CALHM4: variants seen among roughly 807,000 people sequenced by gnomAD.
The protein encoded by CALHM4 is calcium homeostasis modulator protein 4.
In CALHM4, 16 loss-of-function variants were observed where a neutral mutation model predicts 13.3. The observed-to-expected ratio is 1.20, with a 90% CI of 0.81 to 1.82. The LOEUF is 1.82. Among genes scored for constraint, CALHM4 ranks in the 40% most tolerant of loss-of-function variants. The pLI is 0.00. For synonymous variants in CALHM4, 127 were observed against 137.1 expected (o/e 0.93, Z 0.52); for missense variants, 344 against 374.9 (o/e 0.92, Z 0.68).
Position 116,561,021 on chromosome 6 carries a change from T to C in CALHM4, c.*2810T>C, listed in dbSNP as rs560176666. ...CAAAGCTGAATTGTAGAACCGCATTTATACTCTGTCCTTCTCTGTGTCTCT... is the reference window on the plus strand; with the variant it reads ...CAAAGCTGAATTGTAGAACCGCATTCATACTCTGTCCTTCTCTGTGTCTCT... On this transcript the variant is annotated 3_prime_UTR_variant, in exon 2 of 2. Coordinates refer to ENST00000368596, the MANE Select transcript of CALHM4 (RefSeq NM_001366078.2). Among the ~76,000 whole-genome samples the C allele has an allele frequency of 5.3e-5, 8 of 152,378 alleles. No individual in the cohort carries two copies. The South Asian group carries it at 1.7e-3, about 32-fold the overall frequency.
intron 1 of CALHM4, among the ~76,000 whole-genome samples, chr6:116,536,353 T>TA (rs2115215300): frequency 6.6e-6 from 1 of 152,302 alleles, no homozygotes; most frequent in African/African-American, 2.4e-5. Flanking sequence ...TACTACTTGT[T>TA]AAAAGACATT....
chr6:116,555,456 T>C (rs2115293819), intron 1 of CALHM4, among the ~76,000 whole-genome samples: 1 of 152,356 alleles, frequency 6.6e-6, no homozygotes, highest in Middle Eastern at 3.4e-3. Flanking sequence ...TTTACAGTTC[T>C]GAGTACCATT....
At chr6:116,555,431 C>G (rs972982905) in intron 1 of CALHM4, among the ~76,000 whole-genome samples, 2 of 152,170 alleles carry the variant, frequency 1.3e-5, no homozygotes, top group African/African-American at 4.8e-5. Context: ...ACACAGATTT[C>G]TGTGAAAAGA....
intron 1 of CALHM4, chr6:116,540,587 C>A: frequency 1.1e-6 from 1 of 918,494 alleles, no homozygotes; most frequent in South Asian, 1.6e-5. Context: ...CCAAATATGA[C>A]GAGTCAAATG....
chr6:116,555,314 A>C (rs1234696479), intron 1 of CALHM4, among the ~76,000 whole-genome samples: 1 of 152,234 alleles, frequency 6.6e-6, no homozygotes. Context: ...AAAAATCAAT[A>C]GAAAAATTAT....
chr6:116,534,626 G>C (rs1259930156), intron 1 of CALHM4, among the ~76,000 whole-genome samples: 1 of 152,120 alleles, frequency 6.6e-6, no homozygotes, highest in African/African-American at 2.4e-5. Flanking sequence ...TTTTGTCCTA[G>C]AGTTTATGCT....
upstream of CALHM4, among the ~76,000 whole-genome samples, chr6:116,553,530 C>A (rs1562363719): frequency 6.6e-6 from 1 of 152,110 alleles, no homozygotes; most frequent in Non-Finnish European, 1.5e-5. Context: ...AGCCACCCTC[C>A]TTTTATTATA....
chr6:116,549,983 TATA>T (rs1773980666), upstream of CALHM4, among the ~76,000 whole-genome samples: 2 of 39,532 alleles, frequency 5.1e-5, no homozygotes, highest in South Asian at 5.8e-4. Flanking sequence ...TCTTAAATTA[TATA>T]TATATATATA....
At chr6:116,550,020 A>G (rs1161559219), upstream of CALHM4, among the ~76,000 whole-genome samples, 9 of 132,228 alleles carry the variant, frequency 6.8e-5, no homozygotes, top group East Asian at 1.8e-3. Flanking sequence ...ATATATATAT[A>G]TATATACACA....
At chr6:116,535,615 C>G (rs1218446555) in intron 1 of CALHM4, among the ~76,000 whole-genome samples, 2 of 152,156 alleles carry the variant, frequency 1.3e-5, no homozygotes, top group Non-Finnish European at 2.9e-5. Context: ...GCACTTTCTA[C>G]TTTCCCTTAT....
chr6:116,547,871 A>G (rs1008015052), intron 2 of CALHM4, among the ~76,000 whole-genome samples: 7 of 152,204 alleles, frequency 4.6e-5, no homozygotes, highest in African/African-American at 1.4e-4. Context: ...AGTCTGGTAA[A>G]ACTGCACTGC....
intron 1 of CALHM4, among the ~76,000 whole-genome samples, chr6:116,537,968 C>A (rs555767694): frequency 6.6e-6 from 1 of 152,150 alleles, no homozygotes; most frequent in African/African-American, 2.4e-5. Flanking sequence ...ATATCCTGGT[C>A]GAGGACCACA....
chr6:116,547,776 C>T (rs1470578020), intron 2 of CALHM4, among the ~76,000 whole-genome samples: 1 of 152,196 alleles, frequency 6.6e-6, no homozygotes, highest in African/African-American at 2.4e-5. Context: ...AATGCATAAG[C>T]AAAGTTTTTC....
chr6:116,542,926 T>C (rs184391034), intron 1 of CALHM4, among the ~76,000 whole-genome samples: 4 of 152,232 alleles, frequency 2.6e-5, no homozygotes, highest in African/African-American at 9.6e-5. Flanking sequence ...CATATATTTA[T>C]ATTGGAAGCA....
chr6:116,555,745 A>ATTAT (rs1774286128), intron 1 of CALHM4, among the ~76,000 whole-genome samples: 1 of 152,210 alleles, frequency 6.6e-6, no homozygotes, highest in Non-Finnish European at 1.5e-5. Flanking sequence ...AAGAATATAC[A>ATTAT]TTATTTTTCA....
intron 1 of CALHM4, among the ~76,000 whole-genome samples, chr6:116,530,168 G>GA (rs531357255): frequency 6.7e-5 from 10 of 148,896 alleles, no homozygotes; most frequent in East Asian, 3.9e-4. Flanking sequence ...AATATAATTA[G>GA]AAAAAAAAAG....
At chr6:116,540,252 A>T in intron 1 of CALHM4, 1 of 964,266 alleles carries the variant, frequency 1.0e-6, no homozygotes, top group Non-Finnish European at 1.5e-6. Flanking sequence ...CTTTCTCAGC[A>T]CCTAACAATG....
intron 1 of CALHM4, among the ~76,000 whole-genome samples, chr6:116,556,189 T>A (rs1774308209): frequency 6.6e-6 from 1 of 152,250 alleles, no homozygotes; most frequent in Admixed American, 6.5e-5. Context: ...CTGGGAAGTA[T>A]TCCCTGATAA....
Position 116,543,249 on chromosome 6 carries a change from C to A in CALHM4, c.-108-516C>A, listed in dbSNP as rs532815988. 1.9e-4 allele frequency: 251 copies of A among 1,322,026 alleles called. No homozygotes were observed. The African/African-American group carries it at 3.0e-3, about 16-fold the overall frequency. The allele number at this position is 1,322,026 out of a possible 1,614,324, so 81.9% of individuals were successfully genotyped here. ...GAAGTCATTAGAGGCAGAAAGAATGCAGGTGATGTAAGAAACAACAGCCAT... is the reference window on the plus strand; with the variant it reads ...GAAGTCATTAGAGGCAGAAAGAATGAAGGTGATGTAAGAAACAACAGCCAT... On this transcript the variant is annotated intron_variant, in intron 1 of 2. Transcript: ENST00000368597.
Sources: allele counts gnomAD v4.1 joint callset (sites outside exome capture counted in the v4.1 genomes callset), GRCh38; gene constraint gnomAD v4.1.1; transcripts MANE v1.5; gene names NCBI Gene and HGNC (gene_info 2026-07-23, HGNC 2026-07-21).